Variants in SHPRH observed in about 807,000 individuals in gnomAD.
The protein encoded by SHPRH is E3 ubiquitin-protein ligase SHPRH.
SHPRH carries 106 observed loss-of-function variants against 202.5 expected under a neutral mutation model. That is an observed-to-expected ratio of 0.52 (90% CI 0.45 to 0.62). The LOEUF (loss-of-function observed/expected upper bound fraction) is 0.62. SHPRH is among the 20% of genes least tolerant of loss of function. The pLI is 0.00. For synonymous variants in SHPRH, 729 were observed against 686.0 expected, an observed-to-expected ratio of 1.06 and a Z score of -0.98; for missense variants, 1,710 against 2,020.0, an observed-to-expected ratio of 0.85 and a Z score of 2.94.
intron 13 of SHPRH, among the ~76,000 whole-genome samples, chr6:145,933,548 T>TA (rs1347487037): frequency 6.6e-6 from 1 of 152,146 alleles, no homozygotes; most frequent in African/African-American, 2.4e-5. Context: ...TTTTAATCAG[T>TA]AAAAAATGAA....
chr6:145,884,536 C>A (rs1392806801), downstream of SHPRH: 1 of 151,990 alleles, frequency 6.6e-6, no homozygotes, highest in East Asian at 1.9e-4. Flanking sequence ...CATTTAAGAA[C>A]AACTACTTCT....
chr6:145,915,523 ACTT>A lies in SHPRH; in HGVS notation c.4255-1977_4255-1975del, dbSNP rs1391535361. On this transcript the variant is annotated intron_variant, in intron 23 of 29. Coordinates refer to ENST00000275233, the MANE Select transcript of SHPRH (RefSeq NM_001042683.3). The stretch of plus-strand genomic sequence containing the variant: ...GTTTGTCTGAAAATATCCTTATTTC[ACTT>A]TTTTTAAAAAAAGGAAATTTTCTTT... 3.3e-5 allele frequency among the ~76,000 whole-genome samples: 5 copies of A among 151,898 alleles called. 1 individual carries two copies. The highest frequency in any genetic ancestry group is 3.3e-4 in the Admixed American group (5 of 15,246).
At chr6:145,898,011 T>A (rs186313872) in intron 25 of SHPRH, among the ~76,000 whole-genome samples, 1 of 151,604 alleles carries the variant, frequency 6.6e-6, no homozygotes, top group East Asian at 1.9e-4. Context: ...AAGTCTTAGC[T>A]AGAGCAATTA....
intron 17 of SHPRH, 103 bp downstream of exon 17, chr6:145,924,636 T>G (rs964845427): frequency 2.5e-4 from 226 of 910,612 alleles, no homozygotes; most frequent in Non-Finnish European, 5.9e-5. Context: ...TGCTAAGGAT[T>G]TCAAAATGTA....
chr6:145,895,087 A>T, intron 25 of SHPRH, 110 bp from the exon 26 acceptor site: 1 of 900,800 alleles, frequency 1.1e-6, no homozygotes, highest in Non-Finnish European at 1.7e-6. Flanking sequence ...ATGCATCAAA[A>T]CAAATTATCA....
intron 2 of SHPRH, among the ~76,000 whole-genome samples, chr6:145,869,819 C>CTT (rs71028375): frequency 0.012 from 1,678 of 134,566 alleles, 17 homozygotes; most frequent in Middle Eastern, 0.015. Context: ...TTTTTCTTTT[C>CTT]TTTTTTTTTT....
At chr6:145,935,518 A>G in intron 11 of SHPRH, 77 bp from the exon 12 acceptor site, 1 of 1,384,696 alleles carries the variant, frequency 7.2e-7, no homozygotes, top group East Asian at 2.4e-5. Context: ...TTCTACAGAC[A>G]TTACACAGCA....
chr6:145,896,074 G>C (rs1362455557), intron 25 of SHPRH, among the ~76,000 whole-genome samples: 5 of 152,034 alleles, frequency 3.3e-5, no homozygotes, highest in African/African-American at 1.2e-4. Flanking sequence ...TTTACATGAA[G>C]AAACATTCAA....
intron 14 of SHPRH, among the ~76,000 whole-genome samples, chr6:145,928,151 T>C: frequency 6.6e-6 from 1 of 152,022 alleles, no homozygotes; most frequent in East Asian, 1.9e-4. Context: ...GTGGCTGCTG[T>C]TGTACTACAA....
chr6:145,960,959 C>T (rs1396098966), intron 1 of SHPRH, among the ~76,000 whole-genome samples: 1 of 152,126 alleles, frequency 6.6e-6, no homozygotes, highest in African/African-American at 2.4e-5. Context: ...AGTGCACAAC[C>T]TAGATCCTGC....
chr6:145,868,832 C>T (rs1353101564), intron 2 of SHPRH, among the ~76,000 whole-genome samples: 1 of 152,150 alleles, frequency 6.6e-6, no homozygotes, highest in Non-Finnish European at 1.5e-5. Flanking sequence ...CAAATGTAAA[C>T]ATCTACAATG....
intron 2 of SHPRH, 73 bp from the exon 3 acceptor site, chr6:145,952,551 A>G (rs1305006972): frequency 7.2e-7 from 1 of 1,387,678 alleles, no homozygotes; most frequent in African/African-American, 1.5e-5. Flanking sequence ...ATAAGCAAGA[A>G]AAAATTAGCA....
In SHPRH at chr6:145,950,309, T is replaced by C; in HGVS notation, c.937A>G (p.Asn313Asp). Residue 313 changes from asparagine (N) to aspartate (D), a missense_variant, in exon 4 of 30, where the codon AAT (asparagine) becomes GAT (aspartate). Around this residue, in one of 8 missense-constraint regions of SHPRH, gnomAD observed 459 missense variants for 426.5 expected, o/e 1.08. Transcript: ENST00000275233. ...VLRPYQREAV[N>D]WMLQQECFRS... ...AAACACTCTTGTTGTAGCATCCAAT[T>C]GACAGCCTCTCTTTGGTAGGGTCTC... The C allele has an allele frequency of 5.6e-6, 9 of 1,613,176 alleles. No individual in the cohort carries two copies. Among genetic ancestry groups the C allele is most frequent in the Non-Finnish European group, 7.6e-6 (9 of 1,179,384 alleles).
chr6:145,943,490 CCT>C lies in SHPRH; in HGVS notation c.1889_1890del (p.Glu630GlyfsTer4). On this transcript the variant is annotated frameshift_variant, in exon 9 of 30. Coordinates refer to ENST00000275233, the MANE Select transcript of SHPRH (RefSeq NM_001042683.3). LOFTEE classifies it high-confidence loss of function. ...ISEFNQEHET[E>X]DCAESLNHAD... Reference sequence around the variant, plus strand: ...GCATGATTTAGAGATTCAGCACAGTCCTCTGTTTCATGTTCTTGGTTGAATTC... The same window carrying C: ...GCATGATTTAGAGATTCAGCACAGTCCTGTTTCATGTTCTTGGTTGAATTC... 4 of 1,613,964 alleles carry C rather than the reference CCT, an allele frequency of 2.5e-6. No individual in the cohort carries two copies. Among genetic ancestry groups the C allele is most frequent in the Non-Finnish European group, 3.4e-6 (4 of 1,179,924 alleles).
At chr6:145,929,513 G>GT (rs1785215890) in intron 14 of SHPRH, among the ~76,000 whole-genome samples, 1 of 151,998 alleles carries the variant, frequency 6.6e-6, no homozygotes, top group East Asian at 1.9e-4. Flanking sequence ...TCTAATTTAT[G>GT]TAAGTTATAT....
chr6:145,867,631 T>TATATATAGAGAGAGAG (rs1554220329), intron 2 of SHPRH, among the ~76,000 whole-genome samples: 12 of 22,314 alleles, frequency 5.4e-4, no homozygotes, highest in East Asian at 1.8e-3. Context: ...TATATATATA[T>TATATATAGAGAGAGAG]AGAGAGAGAG....
chr6:145,958,510 A>C (rs1232274879), intron 1 of SHPRH, among the ~76,000 whole-genome samples: 4 of 152,150 alleles, frequency 2.6e-5, no homozygotes, highest in African/African-American at 9.7e-5. Context: ...AAAAGAAACT[A>C]AAGTGACATT....
chr6:145,910,537 C>T lies in SHPRH; in HGVS notation c.4426G>A (p.Ala1476Thr). 1 of 1,612,800 alleles carries T rather than the reference C, an allele frequency of 6.2e-7. No individual in the cohort carries two copies. Among genetic ancestry groups the T allele is most frequent in the Non-Finnish European group, 8.5e-7 (1 of 1,179,574 alleles). ...TGAGATGTGGTCTGGCGGCAGATTG[C>T]ACACTTAATGGAGCTTCTGTGAGAT... ...VGSHRSSIKC[A>T]ICRQTTSHKE... Residue 1476 changes from alanine (A) to threonine (T), a missense_variant, in exon 25 of 30, where the codon GCA becomes ACA. This residue lies in a region of SHPRH where 306 missense variants were observed against 479.5 expected (regional missense o/e 0.64). Transcript: ENST00000275233.
At chr6:145,863,863 T>C (rs2249147), downstream of SHPRH, among the ~76,000 whole-genome samples, 68,570 of 152,120 alleles carry the variant, frequency 0.45, 15,987 homozygotes, top group African/African-American at 0.55. Context: ...AAAGCAGGAC[T>C]GAGACTCGGT....
Sources: allele counts gnomAD v4.1 joint callset (sites outside exome capture counted in the v4.1 genomes callset), GRCh38; gene constraint gnomAD v4.1.1; regional missense constraint gnomAD v4.1.1; transcripts MANE v1.5; gene names NCBI Gene and HGNC (gene_info 2026-07-23, HGNC 2026-07-21).